The following CXorf38 variants were observed in gnomAD, a reference collection of about 807,000 sequenced individuals.
CXorf38 encodes the protein uncharacterized protein CXorf38.
Under a neutral mutation model 27.5 loss-of-function variants are expected in CXorf38, and 13 were observed. The observed-to-expected ratio is 0.47, with a 90% CI of 0.31 to 0.75. The LOEUF (loss-of-function observed/expected upper bound fraction) is 0.75, where lower values mean the gene tolerates loss of function less well. CXorf38 is among the 30% of genes least tolerant of loss of function. The pLI, the probability that CXorf38 is intolerant of heterozygous loss-of-function variation, is 0.05. For synonymous variants in CXorf38, 100 were observed against 99.8 expected (o/e 1.00, Z -0.01); for missense variants, 240 against 253.2 (o/e 0.95, Z 0.35).
chrX:40,644,551 C>T (rs1410588596), intron 2 of CXorf38, among the ~76,000 whole-genome samples: 3 of 112,478 alleles, frequency 2.7e-5, no homozygotes, highest in African/African-American at 9.7e-5. Flanking sequence ...AAAAATATAG[C>T]ATAACGACTA....
chrX:40,631,044 C>T (rs1309541905), intron 5 of CXorf38, among the ~76,000 whole-genome samples: 1 of 110,709 alleles, frequency 9.0e-6, no homozygotes, highest in African/African-American at 3.3e-5. Flanking sequence ...TGTCTCCTTC[C>T]ATTTTTTTGC....
In CXorf38 at chrX:40,628,936, C is replaced by T. The variant is rs750441910; in HGVS notation, c.*1228G>A. On this transcript the variant is annotated 3_prime_UTR_variant, in exon 7 of 7. Coordinates refer to ENST00000327877, the MANE Select transcript of CXorf38 (RefSeq NM_144970.3). ...CACTGGTCACTCGAGTCACCATTCTCCAGCTCCCCACAGACCAGCCTGGGC... is the reference window on the plus strand; with the variant it reads ...CACTGGTCACTCGAGTCACCATTCTTCAGCTCCCCACAGACCAGCCTGGGC... 9.0e-6 allele frequency: 1 copy of T among 111,288 alleles called. No individual in the cohort carries two copies. The highest frequency in any genetic ancestry group is 1.9e-5 in the Non-Finnish European group (1 of 53,137). The allele number at this position is 111,288 out of a possible 1,213,427, so 9.2% of individuals were successfully genotyped here. A position where few individuals can be genotyped will look rare whatever the true frequency, so the allele number is the denominator to read the frequency against.
At chrX:40,640,939 CAAA>C (rs148737476) in intron 2 of CXorf38, among the ~76,000 whole-genome samples, 2 of 51,368 alleles carry the variant, frequency 3.9e-5, no homozygotes, top group Admixed American at 2.8e-4. Flanking sequence ...GACTCTGTCT[CAAA>C]AAAAAAAAAA....
rs746604171 is a variant in CXorf38 at position 40,633,904 on chromosome X, T to C, written c.801+2629A>G. 2.7e-5 allele frequency among the ~76,000 whole-genome samples: 3 copies of C among 111,223 alleles called. No individual in the cohort carries two copies. In the South Asian group the frequency reaches 1.1e-3, roughly 43 times the overall value. The stretch of plus-strand genomic sequence containing the variant: ...CTGGCAGGACTATGTGAAGGGCACT[T>C]AGGTGGCAGCCGAATTCTGGGGCAG... On this transcript the variant is annotated intron_variant, in intron 5 of 6. Coordinates refer to ENST00000327877, the MANE Select transcript of CXorf38 (RefSeq NM_144970.3).
At chrX:40,640,901 C>T (rs1261435154) in intron 2 of CXorf38, among the ~76,000 whole-genome samples, 1 of 94,131 alleles carries the variant, frequency 1.1e-5, no homozygotes, top group African/African-American at 4.0e-5. Context: ...GATTGCTCCA[C>T]TACTCTCTAG....
At chrX:40,643,628 C>T (rs1928443835) in intron 2 of CXorf38, among the ~76,000 whole-genome samples, 1 of 111,424 alleles carries the variant, frequency 9.0e-6, no homozygotes, top group Non-Finnish European at 1.9e-5. Flanking sequence ...ACTGCCTCAG[C>T]CTCGCGAGTA....
At chrX:40,641,533 G>A (rs765357344) in intron 2 of CXorf38, among the ~76,000 whole-genome samples, 1 of 111,344 alleles carries the variant, frequency 9.0e-6, no homozygotes, top group African/African-American at 3.3e-5. Flanking sequence ...GAGGATTACA[G>A]GCATGCATCA....
intron 2 of CXorf38, among the ~76,000 whole-genome samples, chrX:40,643,675 A>C (rs1198562838): frequency 9.1e-6 from 1 of 110,053 alleles, no homozygotes; most frequent in Non-Finnish European, 1.9e-5. Flanking sequence ...TGCCTGGCTA[A>C]TTTTTTGTAT....
At chrX:40,635,794 C>T (rs1928042221) in intron 5 of CXorf38, among the ~76,000 whole-genome samples, 1 of 112,029 alleles carries the variant, frequency 8.9e-6, no homozygotes, top group African/African-American at 3.3e-5. Context: ...CGGTTCTGCT[C>T]AGGCACTGCC....
At position 40,627,902 on chromosome X, in the gene CXorf38, GGATA is replaced by G. The variant is rs970175074; in HGVS notation, c.*2258_*2261del. 9 of 111,974 alleles carry G rather than the reference GGATA, an allele frequency of 8.0e-5. No homozygotes were observed. Among genetic ancestry groups the G allele is most frequent in the African/African-American group, 2.9e-4 (9 of 30,735 alleles). 9.2% of individuals were successfully genotyped at this position (111,974 alleles called of 1,213,427 possible). A position where few individuals can be genotyped will look rare whatever the true frequency, so the allele number is the denominator to read the frequency against. The stretch of plus-strand genomic sequence containing the variant: ...GGTGGACCCTTGATAAAAGCTTCTT[GGATA>G]GATAGGCAGAAACTAACTAGACACA... On this transcript the variant is annotated 3_prime_UTR_variant, in exon 7 of 7. Transcript: ENST00000327877.
At position 40,630,620 on chromosome X, in the gene CXorf38, C is replaced by A; in HGVS notation, c.955G>T (p.Ala319Ser). 8.3e-7 allele frequency: 1 copy of A among 1,208,723 alleles called. No homozygotes were observed. The highest frequency in any genetic ancestry group is 1.8e-5 in the South Asian group (1 of 56,354). Residue 319 changes from alanine (A) to serine (S), a missense_variant, in exon 6 of 7, where the codon GCC becomes TCC. By Grantham distance (99) the Ala-to-Ser change is moderately conservative. Coordinates refer to ENST00000327877, the MANE Select transcript of CXorf38 (RefSeq NM_144970.3). ...EPGRQTPDRK[A>S] ...ATCATCTGCCTGAACTCACCTCAGG[C>A]CTTCCTGTCAGGTGTTTGTCTCCCA... is the stretch of plus-strand genomic sequence containing the variant.
Position 40,628,280 on chromosome X carries a change from C to T in CXorf38, c.*1884G>A, listed in dbSNP as rs1266895938. On this transcript the variant is annotated 3_prime_UTR_variant, in exon 7 of 7. Transcript: ENST00000327877. The stretch of plus-strand genomic sequence containing the variant: ...AAGTGCATTTTAATGTAAAAATATA[C>T]ACCAAATAAACCCCTGCCCTCCACC... 8.9e-6 allele frequency: 1 copy of T among 112,158 alleles called. No individual in the cohort carries two copies. Among genetic ancestry groups the T allele is most frequent in the Admixed American group, 9.5e-5 (1 of 10,564 alleles). The allele number at this position is 112,158 out of a possible 1,213,427, so 9.2% of individuals were successfully genotyped here. A position where few individuals can be genotyped will look rare whatever the true frequency, so the allele number is the denominator to read the frequency against.
intron 2 of CXorf38, among the ~76,000 whole-genome samples, chrX:40,646,484 A>G (rs1369670893): frequency 9.0e-6 from 1 of 111,648 alleles, no homozygotes; most frequent in African/African-American, 3.3e-5. Context: ...CGATCTACTT[A>G]GTAAGTGACA....
chrX:40,646,966 A>ACCCGCCGCTTCCTCCTTCCGTC, intron 2 of CXorf38, 41 bp downstream of exon 2: 1 of 1,186,346 alleles, frequency 8.4e-7, no homozygotes, highest in Non-Finnish European at 1.1e-6. Context: ...GTGCTGGGTG[A>ACCCGCCGCTTCCTCCTTCCGTC]CCCGCCGCTT....
chrX:40,643,039 G>T (rs1310812479), intron 2 of CXorf38, among the ~76,000 whole-genome samples: 1 of 110,474 alleles, frequency 9.1e-6, no homozygotes, highest in Non-Finnish European at 1.9e-5. Flanking sequence ...GCCTCCCAAA[G>T]TGCTGGGATT....
chrX:40,644,197 A>T (rs934348010), intron 2 of CXorf38, among the ~76,000 whole-genome samples: 2 of 112,437 alleles, frequency 1.8e-5, no homozygotes, highest in African/African-American at 6.5e-5. Context: ...TTTTAAAAAA[A>T]TTTAAATAAA....
chrX:40,646,894 ATC>A (rs1259512636), intron 2 of CXorf38, 111 bp downstream of exon 2: 24 of 851,754 alleles, frequency 2.8e-5, no homozygotes, highest in East Asian at 7.2e-5. Context: ...CCCTTGATCA[ATC>A]TCTCTCTCTG....
chrX:40,638,150 T>C, intron 3 of CXorf38, among the ~76,000 whole-genome samples: 1 of 112,077 alleles, frequency 8.9e-6, no homozygotes, highest in Non-Finnish European at 1.9e-5. Flanking sequence ...GAAACCATGA[T>C]GAAAAGAAAA....
At chrX:40,637,769 C>T (rs892465842) in intron 3 of CXorf38, among the ~76,000 whole-genome samples, 2 of 112,153 alleles carry the variant, frequency 1.8e-5, no homozygotes, top group Non-Finnish European at 3.8e-5. Flanking sequence ...GGCTCCTGGG[C>T]AACAATTCGG....
Sources: allele counts gnomAD v4.1 joint callset (sites outside exome capture counted in the v4.1 genomes callset), GRCh38; gene constraint gnomAD v4.1.1; transcripts MANE v1.5; gene names NCBI Gene and HGNC (gene_info 2026-07-23, HGNC 2026-07-21).